CUL1: variants seen among roughly 807,000 people sequenced by gnomAD.
The protein encoded by CUL1 is cullin-1.
Under a neutral mutation model 118.0 loss-of-function variants are expected in CUL1, and 24 were observed. The observed-to-expected ratio is 0.20, with a 90% CI of 0.15 to 0.29. The LOEUF (loss-of-function observed/expected upper bound fraction) is 0.29. Among genes scored for constraint, CUL1 ranks in the 10% least tolerant of loss-of-function variants. The probability of loss-of-function intolerance (pLI) is 1.00; values close to 1 mark genes in which losing one functional copy is unlikely to be tolerated. For missense variants in CUL1, 361 were observed against 933.8 expected, an observed-to-expected ratio of 0.39 and a Z score of 7.99; for synonymous variants, 332 against 340.4, an observed-to-expected ratio of 0.98 and a Z score of 0.27.
intron 1 of CUL1, among the ~76,000 whole-genome samples, chr7:148,715,282 A>C (rs1011100818): frequency 6.6e-6 from 1 of 152,098 alleles, no homozygotes; most frequent in Non-Finnish European, 1.5e-5. Flanking sequence ...AGAGTCCACC[A>C]TTGTCTTCTC....
At chr7:148,759,254 T>C in intron 4 of CUL1, 50 bp from the exon 5 acceptor site, 1 of 1,552,578 alleles carries the variant, frequency 6.4e-7, no homozygotes, top group Non-Finnish European at 8.9e-7. Context: ...GACTTCAATC[T>C]TGGAAAAACA....
intron 2 of CUL1, among the ~76,000 whole-genome samples, chr7:148,743,828 AG>A (rs1194175638): frequency 6.6e-6 from 1 of 152,224 alleles, no homozygotes; most frequent in African/African-American, 2.4e-5. Context: ...AGGCTGAGGC[AG>A]GAGAATCGCT....
chr7:148,706,953 G>A (rs1417183787), intron 1 of CUL1, among the ~76,000 whole-genome samples: 3 of 152,080 alleles, frequency 2.0e-5, no homozygotes, highest in African/African-American at 7.2e-5. Context: ...AATGCCAGGT[G>A]GCATATTGAA....
At chr7:148,794,980 C>CTT (rs1554475357) in intron 17 of CUL1, among the ~76,000 whole-genome samples, 1 of 151,684 alleles carries the variant, frequency 6.6e-6, no homozygotes, top group Non-Finnish European at 1.5e-5. Context: ...TACAGGCGTG[C>CTT]GCCACCATGC....
intron 1 of CUL1, among the ~76,000 whole-genome samples, chr7:148,726,788 CAA>C (rs534261495): frequency 1.5e-4 from 21 of 139,932 alleles, no homozygotes; most frequent in Non-Finnish European, 2.9e-4. Context: ...TTTTGGTACA[CAA>C]ATGCATAGCA....
chr7:148,700,171 T>C (rs1797675328), intron 1 of CUL1, among the ~76,000 whole-genome samples: 1 of 152,186 alleles, frequency 6.6e-6, no homozygotes, highest in Non-Finnish European at 1.5e-5. Flanking sequence ...CTTAAATATT[T>C]GTTTGCTCTG....
intron 2 of CUL1, among the ~76,000 whole-genome samples, chr7:148,744,753 G>A (rs1428262797): frequency 1.3e-5 from 2 of 152,114 alleles, no homozygotes; most frequent in Admixed American, 6.5e-5. Context: ...CTATTGTAGT[G>A]TCAGTTTGCT....
intron 2 of CUL1, among the ~76,000 whole-genome samples, chr7:148,750,328 C>G (rs549062584): frequency 6.9e-6 from 1 of 145,564 alleles, no homozygotes; most frequent in East Asian, 2.0e-4. Flanking sequence ...ACTTTAAGTT[C>G]TAGGGTACAT....
Position 148,786,613 on chromosome 7 carries a change from G to A in CUL1, c.1347+14G>A, listed in dbSNP as rs763393670. ...CTCAATCAAGTGGTAAGTGCTTCAT[G>A]AGCATACCCATTTCCAGTAGCTGTG... On this transcript the variant is annotated intron_variant, in intron 12 of 21. Coordinates refer to ENST00000325222, the MANE Select transcript of CUL1 (RefSeq NM_003592.3). 1 of 1,610,114 alleles carries A rather than the reference G, an allele frequency of 6.2e-7. No homozygotes were observed. The highest frequency in any genetic ancestry group is 8.5e-7 in the Non-Finnish European group (1 of 1,176,878).
At chr7:148,792,598 C>CT (rs537904500) in intron 16 of CUL1, 128 bp from the exon 17 acceptor site, 56 of 579,520 alleles carry the variant, frequency 9.7e-5, no homozygotes, top group Non-Finnish European at 1.5e-4. Context: ...TAGATCTGTG[C>CT]TTTTTTTGTA....
At chr7:148,743,743 C>T (rs184863589) in intron 2 of CUL1, among the ~76,000 whole-genome samples, 236 of 152,234 alleles carry the variant, frequency 1.6e-3, no homozygotes, top group African/African-American at 5.5e-3. Flanking sequence ...GCCTGGCCAA[C>T]GTGATGAAAC....
At chr7:148,753,890 T>C in intron 2 of CUL1, 86 bp from the exon 3 acceptor site, 1 of 1,013,138 alleles carries the variant, frequency 9.9e-7, no homozygotes, top group Non-Finnish European at 1.4e-6. Flanking sequence ...TGGGAATGCA[T>C]TGGTAATGAA....
At chr7:148,723,082 GT>G (rs138355848) in intron 1 of CUL1, among the ~76,000 whole-genome samples, 4,897 of 152,338 alleles carry the variant, frequency 0.032, 277 homozygotes, top group African/African-American at 0.11. Flanking sequence ...CATGAGGTGG[GT>G]TAAGAGAGAT....
intron 2 of CUL1, among the ~76,000 whole-genome samples, chr7:148,733,903 C>A (rs899164569): frequency 6.6e-6 from 1 of 151,882 alleles, no homozygotes; most frequent in African/African-American, 2.4e-5. Flanking sequence ...AACAAATATT[C>A]TTGGAGGCTT....
In CUL1 at chr7:148,783,512, T is replaced by C. The variant is rs576186486; in HGVS notation, c.1084-271T>C. On this transcript the variant is annotated intron_variant, in intron 9 of 21. Transcript: ENST00000325222. ...GGAAAATGCTGTTTTCATGATCTCT[T>C]TGAGTTTTCACTGTTTTTAATGCAA... 149 of 1,271,970 alleles carry C rather than the reference T, an allele frequency of 1.2e-4. 1 individual carries two copies. The African/African-American group carries it at 2.1e-3, about 18-fold the overall frequency. The allele number at this position is 1,271,970 out of a possible 1,614,324, so 78.8% of individuals were successfully genotyped here.
intron 9 of CUL1, among the ~76,000 whole-genome samples, chr7:148,775,233 G>T (rs938172360): frequency 8.5e-5 from 13 of 152,198 alleles, no homozygotes; most frequent in Admixed American, 7.9e-4. Flanking sequence ...GAGTCTTGAT[G>T]CAAACATTCT....
intron 7 of CUL1, among the ~76,000 whole-genome samples, chr7:148,763,986 C>T (rs1033371272): frequency 6.6e-6 from 1 of 151,986 alleles, no homozygotes; most frequent in Non-Finnish European, 1.5e-5. Context: ...CCAAGGATGG[C>T]TTTGAAGAGT....
chr7:148,744,226 A>C (rs1399294468), intron 2 of CUL1, among the ~76,000 whole-genome samples: 5 of 152,136 alleles, frequency 3.3e-5, no homozygotes, highest in African/African-American at 7.2e-5. Context: ...TTTTAATTGT[A>C]GTTTTAGCCC....
intron 1 of CUL1, among the ~76,000 whole-genome samples, chr7:148,699,245 G>C (rs1797628400): frequency 6.6e-6 from 1 of 152,006 alleles, no homozygotes; most frequent in Non-Finnish European, 1.5e-5. Flanking sequence ...GGAGCGAGCG[G>C]GGCCGGGCCC....
Sources: gnomAD v4.1 joint callset for allele counts (sites outside exome capture counted in the v4.1 genomes callset) on GRCh38, gnomAD v4.1.1 for gene constraint, MANE v1.5 for transcripts, NCBI Gene and HGNC (gene_info 2026-07-23, HGNC 2026-07-21) for gene names.